Variants in ADCY7 observed in about 807,000 individuals in gnomAD.
ADCY7 encodes the protein adenylate cyclase type 7.
Under a neutral mutation model 120.6 loss-of-function variants are expected in ADCY7, and 72 were observed. The observed-to-expected ratio is 0.60, with a 90% CI of 0.49 to 0.73. The LOEUF (loss-of-function observed/expected upper bound fraction) is 0.73, where lower values mean the gene tolerates loss of function less well. Ranked by LOEUF, ADCY7 falls within the 30% of genes least tolerant of loss-of-function variation. The pLI, the probability that ADCY7 is intolerant of heterozygous loss-of-function variation, is 0.00. For missense variants in ADCY7, 1,227 were observed against 1,486.0 expected (o/e 0.83, Z 2.87); for synonymous variants, 661 against 628.0 (o/e 1.05, Z -0.78).
chr16:50,245,565 T>C (rs1158519145), upstream of ADCY7, among the ~76,000 whole-genome samples: 1 of 152,100 alleles, frequency 6.6e-6, no homozygotes, highest in African/African-American at 2.4e-5. Context: ...ACAACGAGGT[T>C]ACAACACCTA....
intron 4 of ADCY7, 130 bp from the exon 5 acceptor site, chr16:50,292,546 A>G (rs113960631): frequency 1.7e-6 from 2 of 1,145,604 alleles, no homozygotes; most frequent in Non-Finnish European, 2.5e-6. Context: ...CCCCAGGAAG[A>G]GTGCCATTCT....
chr16:50,289,539 C>T (rs550731159), intron 2 of ADCY7, among the ~76,000 whole-genome samples: 20 of 152,382 alleles, frequency 1.3e-4, no homozygotes, highest in African/African-American at 4.1e-4. Flanking sequence ...CAACTTGGCT[C>T]GCTGCAGCCT....
rs759299265 is a variant in ADCY7, at chr16:50,309,628, C to T, written c.2142C>T (p.Ala714=). The change falls in exon 18 of 26, where the codon GCC becomes GCT. Residue 714 remains alanine, a synonymous_variant. Transcript: ENST00000673801. The stretch of plus-strand genomic sequence containing the variant: ...TGGCCGCGAGCAGCAAGACAAGAGC[C>T]CTGTGTGAGCCCCTCCCGGTGAGTG... The part of the protein sequence containing the change: ...GLLAASSKTR[A]LCEPLPYYTC... 5 of 1,610,882 alleles carry T rather than the reference C, an allele frequency of 3.1e-6. No individual in the cohort carries two copies. The South Asian group carries it at 4.4e-5, about 14-fold the overall frequency.
chr16:50,308,668 G>C lies in ADCY7; in HGVS notation c.1937G>C (p.Arg646Thr). Residue 646 changes from arginine (R) to threonine (T), a missense_variant and splice_region_variant, in exon 17 of 26, where the codon AGG becomes ACG. Around this residue, in one of 5 missense-constraint regions of ADCY7, gnomAD observed 267 missense variants for 270.0 expected, o/e 0.99. Transcript: ENST00000673801. Reference sequence around the variant, plus strand: ...TGACTTGACCCTGTTACCCCACAGAGGTGCTGCCCAGCTCGGGGGACGCTC... The same window carrying C: ...TGACTTGACCCTGTTACCCCACAGACGTGCTGCCCAGCTCGGGGGACGCTC... ...LGLCFATKFS[R>T]CCPARGTLCT... 1.2e-6 allele frequency: 2 copies of C among 1,611,270 alleles called. No homozygotes were observed. The highest frequency in any genetic ancestry group is 1.7e-6 in the Non-Finnish European group (2 of 1,178,718).
At position 50,297,820 on chromosome 16, in the gene ADCY7, G is replaced by A. The variant is rs2035454627; in HGVS notation, c.949-1084G>A. Among the ~76,000 whole-genome samples, 1 of 152,196 alleles carries A rather than the reference G, an allele frequency of 6.6e-6. No homozygotes were observed. Among genetic ancestry groups the A allele is most frequent in the Admixed American group, 6.5e-5 (1 of 15,290 alleles). ...CCTCTTAGCTCCCTCCTGGCCAGAA[G>A]CCAGAGCACAGGGCCACCTGCTGGG... On this transcript the variant is annotated intron_variant, in intron 7 of 25. Transcript: ENST00000673801. The surrounding 1 kb of genome is among the most constrained non-coding windows in gnomAD (Gnocchi z 4.4).
upstream of ADCY7, chr16:50,246,046 C>T (rs1475389445): frequency 6.6e-6 from 1 of 150,556 alleles, no homozygotes; most frequent in Non-Finnish European, 1.5e-5. Flanking sequence ...CCCCAGCCCC[C>T]CGCCCCGGCT....
chr16:50,314,940 T>G (rs2036720666), intron 24 of ADCY7, 74 bp from the exon 25 acceptor site: 1 of 1,581,042 alleles, frequency 6.3e-7, no homozygotes. Context: ...GGGTATGGAT[T>G]CTCTGGCCTC....
At chr16:50,300,626 A>G (rs2035651360) in intron 8 of ADCY7, 89 bp from the exon 9 acceptor site, 2 of 1,467,698 alleles carry the variant, frequency 1.4e-6, no homozygotes, top group Admixed American at 4.1e-5. Flanking sequence ...CTGTTCCCAC[A>G]TGCTGCCCTG....
At chr16:50,287,634 C>T (rs568027596) in intron 1 of ADCY7, among the ~76,000 whole-genome samples, 24 of 148,732 alleles carry the variant, frequency 1.6e-4, no homozygotes, top group Non-Finnish European at 3.0e-4. Context: ...GAGCTATGAT[C>T]GTGCCACTGC....
At chr16:50,286,638 G>A (rs1211568651) in intron 1 of ADCY7, among the ~76,000 whole-genome samples, 1 of 152,014 alleles carries the variant, frequency 6.6e-6, no homozygotes, top group Admixed American at 6.5e-5. Context: ...CTGGAGGCAT[G>A]AGACTCACTG....
chr16:50,289,232 C>T (rs538446001), intron 2 of ADCY7: 16 of 358,082 alleles, frequency 4.5e-5, no homozygotes, highest in South Asian at 1.2e-4. Context: ...GACATGGCCT[C>T]GCTATGTTGC....
chr16:50,311,720 C>A lies in ADCY7; in HGVS notation c.2382C>A (p.Asp794Glu). ...GCACCCCTAGCTGTTCCTGGAAGGA[C>A]CTGAAGACCATGACCAATTTCTACC... is the stretch of plus-strand genomic sequence containing the variant. ...TSGTPSCSWK[D>E]LKTMTNFYLV... Residue 794 changes from aspartate (D) to glutamate (E), a missense_variant, in exon 20 of 26, where the codon GAC becomes GAA. Transcript: ENST00000673801. 1 of 1,612,844 alleles carries A rather than the reference C, an allele frequency of 6.2e-7. No individual in the cohort carries two copies. The highest frequency in any genetic ancestry group is 8.5e-7 in the Non-Finnish European group (1 of 1,179,682).
At chr16:50,286,688 G>T (rs1370876302) in intron 1 of ADCY7, among the ~76,000 whole-genome samples, 1 of 152,118 alleles carries the variant, frequency 6.6e-6, no homozygotes, top group Non-Finnish European at 1.5e-5. Flanking sequence ...AGGACCATGG[G>T]GACAGAGCAG....
intron 1 of ADCY7, among the ~76,000 whole-genome samples, chr16:50,278,736 A>T (rs2034059191): frequency 6.6e-6 from 1 of 152,164 alleles, no homozygotes; most frequent in South Asian, 2.1e-4. Context: ...TGTCTTGTGG[A>T]TGCTGCCTTT....
At position 50,312,906 on chromosome 16, in the gene ADCY7, C is replaced by A; in HGVS notation, c.2621C>A (p.Ser874Tyr). 6.2e-7 allele frequency: 1 copy of A among 1,614,182 alleles called. No individual in the cohort carries two copies. The highest frequency in any genetic ancestry group is 8.5e-7 in the Non-Finnish European group (1 of 1,180,024). Reference sequence around the variant, plus strand: ...CCCATCCAGGACTGGTACCATCAGTCCTATGACTGCGTCTGTGTCATGTTT... The same window carrying A: ...CCCATCCAGGACTGGTACCATCAGTACTATGACTGCGTCTGTGTCATGTTT... The part of the protein sequence containing the change: ...DKLNEDWYHQ[S>Y]YDCVCVMFAS... The change falls in exon 22 of 26, where the codon TCC (serine) becomes TAC (tyrosine). Residue 874 changes from serine to tyrosine, a missense_variant. This residue lies in a region of ADCY7 where 244 missense variants were observed against 332.8 expected (regional missense o/e 0.73). Transcript: ENST00000673801.
intron 4 of ADCY7, 147 bp downstream of exon 4, chr16:50,292,044 C>G: frequency 1.0e-6 from 1 of 953,674 alleles, no homozygotes; most frequent in Non-Finnish European, 1.5e-6. Context: ...CTCTCCACGT[C>G]TGCTCGGAAG....
At chr16:50,270,349 C>G (rs1021972415) in intron 1 of ADCY7, among the ~76,000 whole-genome samples, 3 of 152,214 alleles carry the variant, frequency 2.0e-5, no homozygotes, top group African/African-American at 7.2e-5. Flanking sequence ...GGTCCAGCAT[C>G]CCGCCTCCAG....
chr16:50,253,311 C>T (rs144184733), intron 1 of ADCY7, among the ~76,000 whole-genome samples: 1 of 152,168 alleles, frequency 6.6e-6, no homozygotes, highest in Non-Finnish European at 1.5e-5. Flanking sequence ...AGTGCTGTGG[C>T]GCAATCTCGT....
intron 1 of ADCY7, chr16:50,246,226 C>G (rs988312117): frequency 2.0e-5 from 3 of 149,356 alleles, no homozygotes; most frequent in African/African-American, 7.3e-5. Context: ...CGCGGGGGAG[C>G]GCGGCGGGCG....
Sources: gnomAD v4.1 joint callset for allele counts (sites outside exome capture counted in the v4.1 genomes callset) on GRCh38, gnomAD v4.1.1 for gene constraint, gnomAD v4.1.1 regional missense constraint, Gnocchi (gnomAD v3.1) non-coding constraint, MANE v1.5 for transcripts, NCBI Gene and HGNC (gene_info 2026-07-23, HGNC 2026-07-21) for gene names.